The following PCDHGB1 variants were observed in gnomAD, a reference collection of about 807,000 sequenced individuals.
PCDHGB1 encodes the protein protocadherin gamma-B1.
In PCDHGB1, 34 loss-of-function variants were observed where a neutral mutation model predicts 56.6. The ratio of observed to expected loss-of-function variants is 0.60; its 90% CI spans 0.46 to 0.80. PCDHGB1 has a LOEUF of 0.80. PCDHGB1 is among the 30% of genes least tolerant of loss of function. PCDHGB1 has a pLI of 0.00. For missense variants in PCDHGB1, 1,278 were observed against 1,204.6 expected (o/e 1.06, Z -0.90); for synonymous variants, 561 against 505.9 (o/e 1.11, Z -1.46).
chr5:141,372,918 G>A (rs1350578389), intron 1 of PCDHGB1: 1 of 1,022,894 alleles, frequency 9.8e-7, no homozygotes, highest in African/African-American at 1.6e-5. Flanking sequence ...TTATTTTATT[G>A]ATTTTCTGGT....
chr5:141,385,219 A>C, intron 1 of PCDHGB1: 1 of 1,614,236 alleles, frequency 6.2e-7, no homozygotes, highest in Non-Finnish European at 8.5e-7. Flanking sequence ...CCCCCAGCCC[A>C]ACTATGTAGA....
chr5:141,411,785 G>A (rs2095515346), intron 1 of PCDHGB1: 1 of 152,310 alleles, frequency 6.6e-6, no homozygotes, highest in South Asian at 2.1e-4. Context: ...TGGTGGCTGT[G>A]GTGGGAGAAT....
chr5:141,424,149 G>T, intron 1 of PCDHGB1: 1 of 324,612 alleles, frequency 3.1e-6, no homozygotes. Flanking sequence ...GCTCCCTCTA[G>T]CTCTCCTTCT....
chr5:141,392,869 T>G, intron 1 of PCDHGB1: 4 of 1,613,228 alleles, frequency 2.5e-6, no homozygotes, highest in Non-Finnish European at 3.4e-6. Flanking sequence ...CTGTGCGCGC[T>G]GCTGGGAACG....
At chr5:141,355,206 G>A in intron 1 of PCDHGB1, 1 of 1,598,470 alleles carries the variant, frequency 6.3e-7, no homozygotes, top group Non-Finnish European at 8.5e-7. Context: ...TTGTAATGGC[G>A]GCGCCTCCTG....
At chr5:141,370,264 C>A in intron 1 of PCDHGB1, 2 of 752,616 alleles carry the variant, frequency 2.7e-6, no homozygotes, top group Non-Finnish European at 4.2e-6. Flanking sequence ...AGGCTTCCTG[C>A]AGCGGAGACA....
chr5:141,372,452 G>A (rs757526253), intron 1 of PCDHGB1: 14 of 1,613,920 alleles, frequency 8.7e-6, no homozygotes, highest in East Asian at 6.7e-5. Flanking sequence ...ACCCTCAGGC[G>A]GAGCTACAGT....
At chr5:141,500,182 ATT>A (rs1199992745) in intron 2 of PCDHGB1, among the ~76,000 whole-genome samples, 2 of 131,622 alleles carry the variant, frequency 1.5e-5, no homozygotes, top group African/African-American at 3.1e-5. Flanking sequence ...CTTCATTTTT[ATT>A]TTTATTTATT....
At chr5:141,461,328 A>G (rs2154567322) in intron 1 of PCDHGB1, among the ~76,000 whole-genome samples, 1 of 152,282 alleles carries the variant, frequency 6.6e-6, no homozygotes, top group East Asian at 1.9e-4. Flanking sequence ...AATAATGGCC[A>G]TTCTTGCAGG....
intron 2 of PCDHGB1, among the ~76,000 whole-genome samples, chr5:141,502,956 G>A (rs986743949): frequency 1.3e-5 from 2 of 148,846 alleles, no homozygotes; most frequent in African/African-American, 5.0e-5. Context: ...CGATTCTCCT[G>A]CCTCAGCCTC....
At chr5:141,407,622 A>G (rs2094961891) in intron 1 of PCDHGB1, among the ~76,000 whole-genome samples, 3 of 152,316 alleles carry the variant, frequency 2.0e-5, no homozygotes, top group South Asian at 2.1e-4. Context: ...TTGACATTCT[A>G]TATCTCGTAT....
intron 1 of PCDHGB1, chr5:141,384,146 C>T (rs369384722): frequency 6.2e-7 from 1 of 1,613,048 alleles, no homozygotes; most frequent in African/African-American, 1.3e-5. Context: ...GAAACACTCT[C>T]TTTGTATAAC....
chr5:141,454,908 C>T (rs1370482009), intron 1 of PCDHGB1, among the ~76,000 whole-genome samples: 3 of 145,392 alleles, frequency 2.1e-5, no homozygotes, highest in Non-Finnish European at 4.5e-5. Context: ...CCCGGGTTCA[C>T]GCCATTCTCC....
At chr5:141,456,695 T>C (rs1264543968) in intron 1 of PCDHGB1, among the ~76,000 whole-genome samples, 2 of 152,136 alleles carry the variant, frequency 1.3e-5, no homozygotes, top group Non-Finnish European at 2.9e-5. Flanking sequence ...CCAGGCGTGG[T>C]GGCTCGCGCC....
intron 1 of PCDHGB1, chr5:141,356,287 G>A (rs1760178048): frequency 6.4e-7 from 1 of 1,556,188 alleles, no homozygotes; most frequent in African/African-American, 1.4e-5. Context: ...TTCTTCCCCG[G>A]GTACAGTAAT....
intron 1 of PCDHGB1, chr5:141,371,688 C>A (rs1234825193): frequency 6.2e-7 from 1 of 1,614,070 alleles, no homozygotes. Flanking sequence ...CAATCCACCG[C>A]TCTCCTCCAG....
intron 1 of PCDHGB1, among the ~76,000 whole-genome samples, chr5:141,436,742 G>A (rs568532036): frequency 3.9e-4 from 59 of 152,304 alleles, no homozygotes; most frequent in Non-Finnish European, 7.1e-4. Flanking sequence ...ATTTTTGTGT[G>A]CTTCTCCATA....
At chr5:141,366,701 C>T (rs1764751877) in intron 1 of PCDHGB1, 2 of 1,614,262 alleles carry the variant, frequency 1.2e-6, no homozygotes, top group Non-Finnish European at 1.7e-6. Flanking sequence ...AAGCGAGCCT[C>T]TTCTGATGTC....
At chr5:141,496,400 A>G (rs540108338) in intron 2 of PCDHGB1, among the ~76,000 whole-genome samples, 2 of 152,240 alleles carry the variant, frequency 1.3e-5, no homozygotes, top group East Asian at 3.9e-4. Flanking sequence ...TACCTCCTCA[A>G]TGGTTGAGTA....
Sources: allele counts gnomAD v4.1 joint callset (sites outside exome capture counted in the v4.1 genomes callset), GRCh38; gene constraint gnomAD v4.1.1; transcripts MANE v1.5; gene names NCBI Gene and HGNC (gene_info 2026-07-23, HGNC 2026-07-21).